The following BRCA2 variants were observed in gnomAD, a reference collection of about 807,000 sequenced individuals.
BRCA2 encodes BRCA2 DNA repair associated.
Under a neutral mutation model 276.7 loss-of-function variants are expected in BRCA2, and 203 were observed. The observed-to-expected ratio is 0.73, with a 90% CI of 0.65 to 0.82. The LOEUF is 0.82. BRCA2 is among the 40% of genes least tolerant of loss of function. The pLI, the probability that BRCA2 is intolerant of heterozygous loss-of-function variation, is 0.00. For missense variants in BRCA2, 3,920 were observed against 3,915.0 expected (o/e 1.00, Z -0.03); for synonymous variants, 1,289 against 1,338.4 (o/e 0.96, Z 0.81).
intron 24 of BRCA2, among the ~76,000 whole-genome samples, chr13:32,386,978 T>C (rs1010459660): frequency 7.2e-5 from 11 of 152,242 alleles, no homozygotes; most frequent in Non-Finnish European, 1.6e-4. Flanking sequence ...GTTCATTGCC[T>C]CTCTCTTTGC....
At chr13:32,375,550 A>G (rs1032605892) in intron 20 of BRCA2, 66 of 226,774 alleles carry the variant, frequency 2.9e-4, no homozygotes, top group Middle Eastern at 1.5e-3. Context: ...GCTATTCTTT[A>G]TAAGACATGT....
chr13:32,398,863 T>A lies in BRCA2; in HGVS notation c.*93T>A, dbSNP rs2137668822. The A allele has an allele frequency of 6.8e-7, 1 of 1,462,040 alleles. No homozygotes were observed. Among genetic ancestry groups the A allele is most frequent in the East Asian group, 2.4e-5 (1 of 42,094 alleles). The allele number at this position is 1,462,040 out of a possible 1,614,324, so 90.6% of individuals were successfully genotyped here. ...TTCAAACCACACATTAGTACTTATG[T>A]TGCACAATGAGAAAAGAAATTAGTT... On this transcript the variant is annotated 3_prime_UTR_variant, in exon 27 of 27. Transcript: ENST00000380152.
intron 24 of BRCA2, among the ~76,000 whole-genome samples, chr13:32,392,823 C>G (rs896691933): frequency 1.3e-5 from 2 of 152,066 alleles, no homozygotes; most frequent in African/African-American, 4.8e-5. Context: ...CCCTGTTTCC[C>G]CTTTTTTGTT....
chr13:32,319,168 A>G lies in BRCA2; in HGVS notation c.159A>G (p.Lys53=), dbSNP rs921513445. The G allele has an allele frequency of 2.5e-6, 4 of 1,614,124 alleles. No individual in the cohort carries two copies. The highest frequency in any genetic ancestry group is 3.4e-6 in the Non-Finnish European group (4 of 1,179,990). ...NSEPAEESEH[K]NNNYEPNLFK... ...AACCTGCAGAAGAATCTGAACATAA[A>G]AACAACAATTACGAACCAAACCTAT... Residue 53 remains lysine (K), a synonymous_variant, in exon 3 of 27, where the codon AAA becomes AAG. Transcript: ENST00000380152.
chr13:32,340,651 GACAAAA>G lies in BRCA2; in HGVS notation c.6297_6302del (p.Arg2099_Asn2101delinsSer). The G allele has an allele frequency of 6.2e-7, 1 of 1,607,334 alleles. No homozygotes were observed. The highest frequency in any genetic ancestry group is 8.5e-7 in the Non-Finnish European group (1 of 1,178,278). On this transcript the variant is annotated inframe_deletion, in exon 11 of 27. Transcript: ENST00000380152. ...AGTCTTCACTATTCACCTACGTCTA[GACAAAA>G]TGTATCAAAAATACTTCCTCGTGTT...
rs1192019733 is a variant in BRCA2 at position 32,339,639 on chromosome 13, T to G, written c.5284T>G (p.Tyr1762Asp). The G allele has an allele frequency of 1.9e-6, 3 of 1,612,276 alleles. No individual in the cohort carries two copies. The highest frequency in any genetic ancestry group is 1.7e-5 in the Admixed American group (1 of 59,954). The change falls in exon 11 of 27, where the codon TAT becomes GAT. Residue 1762 changes from tyrosine to aspartate, a missense_variant. Physicochemically the swap from Tyr to Asp is radical, Grantham distance 160. Coordinates refer to ENST00000380152, the MANE Select transcript of BRCA2 (RefSeq NM_000059.4). Reference sequence around the variant, plus strand: ...TGATGAGGTATATAATGATTCAGGATATCTCTCAAAAAATAAACTTGATTC... The same window carrying G: ...TGATGAGGTATATAATGATTCAGGAGATCTCTCAAAAAATAAACTTGATTC... ...HSDEVYNDSG[Y>D]LSKNKLDSGI...
Position 32,379,503 on chromosome 13 carries a change from G to A in BRCA2, c.8941G>A (p.Glu2981Lys), listed in dbSNP as rs139052578. ...KLRIVSYSKK[E>K]KDSVILSIWR... is the part of the protein sequence containing the mutation. ...GCGTATTGTAAGCTATTCAAAAAAA[G>A]AAAAAGATTCAGGTAAGTATGTAAA... Residue 2981 changes from glutamate to lysine, a missense_variant, in exon 22 of 27, where the codon GAA (glutamate) becomes AAA (lysine). Glu to Lys is a moderately conservative substitution (Grantham distance 56). Around this residue, in one of 2 missense-constraint regions of BRCA2, gnomAD observed 657 missense variants for 758.2 expected, o/e 0.87. Transcript: ENST00000380152. 5.0e-6 allele frequency: 8 copies of A among 1,612,460 alleles called. No homozygotes were observed. Among genetic ancestry groups the A allele is most frequent in the Non-Finnish European group, 6.8e-6 (8 of 1,179,536 alleles).
Position 32,336,881 on chromosome 13 carries a change from A to G in BRCA2, c.2526A>G (p.Val842=), listed in dbSNP as rs770778164. 3 of 1,610,498 alleles carry G rather than the reference A, an allele frequency of 1.9e-6. No individual in the cohort carries two copies. The highest frequency in any genetic ancestry group is 2.5e-6 in the Non-Finnish European group (3 of 1,179,200). Residue 842 remains valine, a synonymous_variant, in exon 11 of 27, where the codon GTA becomes GTG. Transcript: ENST00000380152. ...ELLPPEKYMR[V]ASPSRKVQFN... is the part of the protein sequence containing the mutation. The stretch of plus-strand genomic sequence containing the variant: ...TGCCACCTGAAAAATACATGAGAGT[A>G]GCATCACCTTCAAGAAAGGTACAAT...
At chr13:32,370,032 T>TA (rs2072816281) in intron 18 of BRCA2, among the ~76,000 whole-genome samples, 2 of 152,262 alleles carry the variant, frequency 1.3e-5, no homozygotes, top group South Asian at 4.1e-4. Context: ...ATTTTGGTGA[T>TA]ACCTCATTTC....
intron 18 of BRCA2, among the ~76,000 whole-genome samples, chr13:32,369,732 C>T (rs1219530332): frequency 6.6e-6 from 1 of 152,146 alleles, no homozygotes; most frequent in Non-Finnish European, 1.5e-5. Flanking sequence ...CACCACCTCA[C>T]CTGGCTACTT....
chr13:32,356,640 T>C (rs1473654592), intron 15 of BRCA2, 31 bp downstream of exon 15: 1 of 1,607,262 alleles, frequency 6.2e-7, no homozygotes, highest in South Asian at 1.1e-5. Context: ...CTGATGGCTT[T>C]TATGACAGAG....
intron 7 of BRCA2, among the ~76,000 whole-genome samples, chr13:32,327,531 G>A (rs947600510): frequency 2.6e-5 from 4 of 151,846 alleles, no homozygotes; most frequent in Admixed American, 6.6e-5. Context: ...TTAGCTGGGC[G>A]TGGTGGCAGA....
At chr13:32,332,244 A>G (rs1472392598) in intron 9 of BRCA2, 28 bp from the exon 10 acceptor site, 1 of 1,550,822 alleles carries the variant, frequency 6.4e-7, no homozygotes, top group Admixed American at 1.8e-5. Context: ...ATAAAATATT[A>G]ATGTGCTTCT....
At chr13:32,360,546 G>C (rs2072731592) in intron 16 of BRCA2, among the ~76,000 whole-genome samples, 3 of 152,132 alleles carry the variant, frequency 2.0e-5, no homozygotes, top group Non-Finnish European at 4.4e-5. Context: ...TTTTAGTAGA[G>C]ACAGGGTTTC....
At chr13:32,372,823 A>G (rs1309968352) in intron 20 of BRCA2, among the ~76,000 whole-genome samples, 1 of 152,200 alleles carries the variant, frequency 6.6e-6, no homozygotes, top group Non-Finnish European at 1.5e-5. Context: ...GAGACAAGAC[A>G]AATCTCTTCC....
chr13:32,328,512 T>A lies in BRCA2; in HGVS notation c.632-931T>A, dbSNP rs1010273112. On this transcript the variant is annotated intron_variant, in intron 7 of 26. Coordinates refer to ENST00000380152, the MANE Select transcript of BRCA2 (RefSeq NM_000059.4). ...TTGTCTCAGCCACATTTTTTTTGTCTAAGAAGATACTGGGCCAGATCATTG... is the reference window on the plus strand; with the variant it reads ...TTGTCTCAGCCACATTTTTTTTGTCAAAGAAGATACTGGGCCAGATCATTG... Among the ~76,000 whole-genome samples, 8 of 152,076 alleles carry A rather than the reference T, an allele frequency of 5.3e-5. No individual in the cohort carries two copies. In the South Asian group the frequency reaches 1.2e-3, roughly 24 times the overall value.
rs80358551 is a variant in BRCA2 at position 32,337,430 on chromosome 13, G to T, written c.3075G>T (p.Lys1025Asn). ...TCAAGCTCTCTGAACATAACATTAA[G>T]AAGAGCAAAATGTTCTTCAAAGATA... is the stretch of plus-strand genomic sequence containing the variant. ...KEIKLSEHNIKKSKMFFKDIE... is the reference protein window; with the variant it reads ...KEIKLSEHNINKSKMFFKDIE... Residue 1025 changes from lysine to asparagine, a missense_variant, in exon 11 of 27, where the codon AAG becomes AAT. Physicochemically the swap from Lys to Asn is moderately conservative, Grantham distance 94. Around this residue, in one of 2 missense-constraint regions of BRCA2, gnomAD observed 3,263 missense variants for 3,156.9 expected, o/e 1.03. Transcript: ENST00000380152. 2 of 1,613,142 alleles carry T rather than the reference G, an allele frequency of 1.2e-6. No individual in the cohort carries two copies. Among genetic ancestry groups the T allele is most frequent in the Non-Finnish European group, 1.7e-6 (2 of 1,179,508 alleles).
intron 18 of BRCA2, among the ~76,000 whole-genome samples, chr13:32,365,164 G>A (rs1403210295): frequency 9.8e-6 from 1 of 101,924 alleles, no homozygotes; most frequent in Non-Finnish European, 1.9e-5. Flanking sequence ...GTGTTACATA[G>A]GCTGGAGTGT....
chr13:32,389,222 C>G (rs1263238591), intron 24 of BRCA2, among the ~76,000 whole-genome samples: 1 of 152,174 alleles, frequency 6.6e-6, no homozygotes, highest in Non-Finnish European at 1.5e-5. Context: ...TGACCATATA[C>G]AGACCTTTTT....
Sources: allele counts gnomAD v4.1 joint callset (sites outside exome capture counted in the v4.1 genomes callset), GRCh38; gene constraint gnomAD v4.1.1; regional missense constraint gnomAD v4.1.1; transcripts MANE v1.5; gene names NCBI Gene and HGNC (gene_info 2026-07-23, HGNC 2026-07-21).